CRACD: variants seen among roughly 807,000 people sequenced by gnomAD.
CRACD encodes capping protein inhibiting regulator of actin dynamics.
A neutral mutation model predicts 106.8 loss-of-function variants in CRACD; 56 were observed. That is an observed-to-expected ratio of 0.52 (90% CI 0.42 to 0.66). The LOEUF (loss-of-function observed/expected upper bound fraction) is 0.66, where lower values mean the gene tolerates loss of function less well. Ranked by LOEUF, CRACD falls within the 30% of genes least tolerant of loss-of-function variation. The probability of loss-of-function intolerance (pLI) is 0.00; values close to 1 mark genes in which losing one functional copy is unlikely to be tolerated. For missense variants in CRACD, 1,730 were observed against 1,623.2 expected (o/e 1.07, Z -1.13); for synonymous variants, 754 against 670.8 (o/e 1.12, Z -1.92).
intron 2 of CRACD, among the ~76,000 whole-genome samples, chr4:56,262,528 A>G (rs1459736879): frequency 6.6e-6 from 1 of 151,436 alleles, no homozygotes; most frequent in Non-Finnish European, 1.5e-5. Context: ...ATTTTTTTTT[A>G]TAGCTTATCA....
chr4:56,322,416 G>A (rs982286019), intron 8 of CRACD, among the ~76,000 whole-genome samples: 2 of 152,196 alleles, frequency 1.3e-5, no homozygotes, highest in African/African-American at 4.8e-5. Flanking sequence ...CCTCCTGTGA[G>A]GTATTTACCC....
intron 1 of CRACD, among the ~76,000 whole-genome samples, chr4:56,051,520 A>G (rs1394869219): frequency 6.6e-6 from 1 of 152,156 alleles, no homozygotes; most frequent in East Asian, 1.9e-4. Flanking sequence ...GGCAGGGCAG[A>G]TATTATCATT....
chr4:56,126,197 G>A (rs543247351), intron 1 of CRACD, among the ~76,000 whole-genome samples: 4 of 152,124 alleles, frequency 2.6e-5, no homozygotes, highest in South Asian at 4.2e-4. Context: ...GCCTAATAAC[G>A]TATGCCAGGC....
chr4:56,224,788 A>G (rs1478326198), intron 2 of CRACD, among the ~76,000 whole-genome samples: 4 of 152,192 alleles, frequency 2.6e-5, no homozygotes, highest in Admixed American at 2.0e-4. Context: ...TGCTAGTTCT[A>G]GTTTACCACA....
At chr4:56,134,222 C>T (rs548598974) in intron 1 of CRACD, among the ~76,000 whole-genome samples, 5 of 151,602 alleles carry the variant, frequency 3.3e-5, no homozygotes, top group South Asian at 4.2e-4. Context: ...AAAAAGAAAT[C>T]GACTCAGAAG....
At chr4:56,081,551 A>G (rs772231108) in intron 1 of CRACD, among the ~76,000 whole-genome samples, 3 of 152,226 alleles carry the variant, frequency 2.0e-5, no homozygotes, top group Admixed American at 6.5e-5. Flanking sequence ...AAGGAAAATT[A>G]TCATTGTAGG....
At chr4:56,184,446 T>C (rs946517633) in intron 2 of CRACD, among the ~76,000 whole-genome samples, 1 of 152,214 alleles carries the variant, frequency 6.6e-6, no homozygotes, top group Non-Finnish European at 1.5e-5. Context: ...AAACGACACT[T>C]AGTCTTTGTC....
chr4:56,297,980 G>C lies in CRACD; in HGVS notation c.-16-234G>C, dbSNP rs1744144372. 1.0e-5 allele frequency: 4 copies of C among 397,326 alleles called. No homozygotes were observed. The East Asian group carries it at 1.6e-4, about 16-fold the overall frequency. The allele number at this position is 397,326 out of a possible 1,614,324, so 24.6% of individuals were successfully genotyped here. On this transcript the variant is annotated intron_variant, in intron 3 of 10. Transcript: ENST00000682029. ...TTGGATCCTATACAAATAAGTAACT[G>C]TCTTTGTGTTCTCACGGTGAATGGC...
chr4:56,245,137 C>A (rs1360824587), intron 2 of CRACD, among the ~76,000 whole-genome samples: 5 of 152,214 alleles, frequency 3.3e-5, no homozygotes, highest in Non-Finnish European at 7.3e-5. Context: ...GAAATAACCA[C>A]CCCCTTCTCA....
At chr4:56,150,976 A>T (rs1735557432) in intron 1 of CRACD, among the ~76,000 whole-genome samples, 1 of 152,060 alleles carries the variant, frequency 6.6e-6, no homozygotes, top group African/African-American at 2.4e-5. Flanking sequence ...ACAGCTCTGT[A>T]TGAGGGTTTT....
At chr4:56,270,294 G>C (rs547540883) in intron 2 of CRACD, among the ~76,000 whole-genome samples, 1 of 151,840 alleles carries the variant, frequency 6.6e-6, no homozygotes, top group South Asian at 2.1e-4. Flanking sequence ...GGGCTCAAAT[G>C]ATCCTCCCAC....
chr4:56,275,246 A>G (rs1220732474), intron 3 of CRACD, among the ~76,000 whole-genome samples: 2 of 152,172 alleles, frequency 1.3e-5, no homozygotes, highest in African/African-American at 4.8e-5. Flanking sequence ...CCTACGTAAC[A>G]AACCTTCACG....
At chr4:56,124,870 G>A (rs557695236) in intron 1 of CRACD, among the ~76,000 whole-genome samples, 1 of 152,266 alleles carries the variant, frequency 6.6e-6, no homozygotes, top group South Asian at 2.1e-4. Flanking sequence ...AAGTGGAGCC[G>A]CTGGCCACTG....
In CRACD at chr4:56,314,490, G is replaced by A. The variant is rs745403411; in HGVS notation, c.988G>A (p.Glu330Lys). 2 of 1,522,820 alleles carry A rather than the reference G, an allele frequency of 1.3e-6. No individual in the cohort carries two copies. Among genetic ancestry groups the A allele is most frequent in the Non-Finnish European group, 1.8e-6 (2 of 1,137,996 alleles). The allele number at this position is 1,522,820 out of a possible 1,614,324, so 94.3% of individuals were successfully genotyped here. The part of the protein sequence containing the change: ...RRRLQAQAQA[E>K]ERRRLEEDAR... ...GCGTCTGCAGGCCCAGGCCCAAGCG[G>A]AGGAGAGGCGGCGGCTGGAGGAGGA... Residue 330 changes from glutamate to lysine, a missense_variant, in exon 8 of 11, where the codon GAG becomes AAG. Glu to Lys is a moderately conservative substitution (Grantham distance 56). Coordinates refer to ENST00000682029, the MANE Select transcript of CRACD (RefSeq NM_001393381.1). The surrounding 1 kb of genome is among the most constrained non-coding windows in gnomAD (Gnocchi z 4.4).
chr4:56,183,192 C>T (rs938203697), intron 2 of CRACD, among the ~76,000 whole-genome samples: 5 of 145,484 alleles, frequency 3.4e-5, no homozygotes, highest in South Asian at 2.1e-4. Flanking sequence ...AAGATTGCGC[C>T]GTTGCACTCC....
chr4:56,140,226 C>T (rs1263854640), intron 1 of CRACD, among the ~76,000 whole-genome samples: 3 of 152,202 alleles, frequency 2.0e-5, no homozygotes, highest in East Asian at 1.9e-4. Flanking sequence ...AAGACCTGCC[C>T]GTCTCTCAGG....
chr4:56,081,672 A>G (rs1007441403), intron 1 of CRACD, among the ~76,000 whole-genome samples: 1 of 152,134 alleles, frequency 6.6e-6, no homozygotes, highest in African/African-American at 2.4e-5. Context: ...GGCATGGGGT[A>G]GTGCATAAGA....
At position 56,271,353 on chromosome 4, in the gene CRACD, G is replaced by A. The variant is rs186930030; in HGVS notation, c.-188-968G>A. ...GCAGCAAGCCTAGTTCCTGACTAATGAAGTAATATATGGGAAGATGTTCAT... is the reference window on the plus strand; with the variant it reads ...GCAGCAAGCCTAGTTCCTGACTAATAAAGTAATATATGGGAAGATGTTCAT... On this transcript the variant is annotated intron_variant, in intron 2 of 10. Transcript: ENST00000682029. Among the ~76,000 whole-genome samples, 23 of 152,252 alleles carry A rather than the reference G, an allele frequency of 1.5e-4. No individual in the cohort carries two copies. The East Asian group carries it at 3.3e-3, about 22-fold the overall frequency.
chr4:56,213,902 G>T (rs1421331382), intron 2 of CRACD, among the ~76,000 whole-genome samples: 1 of 152,184 alleles, frequency 6.6e-6, no homozygotes, highest in African/African-American at 2.4e-5. Flanking sequence ...ACAACTGAAT[G>T]ACCAACTGAA....
Sources: allele counts gnomAD v4.1 joint callset (sites outside exome capture counted in the v4.1 genomes callset), GRCh38; gene constraint gnomAD v4.1.1; non-coding constraint Gnocchi (gnomAD v3.1); transcripts MANE v1.5; gene names NCBI Gene and HGNC (gene_info 2026-07-23, HGNC 2026-07-21).